Variants in ATRNL1 observed in about 807,000 individuals in gnomAD.
The protein encoded by ATRNL1 is attractin-like protein 1.
Under a neutral mutation model 182.7 loss-of-function variants are expected in ATRNL1, and 95 were observed. The observed-to-expected ratio is 0.52, with a 90% CI of 0.44 to 0.62. The LOEUF (loss-of-function observed/expected upper bound fraction) is 0.62, where lower values mean the gene tolerates loss of function less well. Ranked by LOEUF, ATRNL1 falls within the 20% of genes least tolerant of loss-of-function variation. The pLI is 0.00. For missense variants in ATRNL1, 1,471 were observed against 1,679.5 expected (o/e 0.88, Z 2.17); for synonymous variants, 576 against 568.3 (o/e 1.01, Z -0.19).
chr10:115,158,232 T>G (rs1309242761), intron 5 of ATRNL1, among the ~76,000 whole-genome samples: 1 of 152,050 alleles, frequency 6.6e-6, no homozygotes, highest in Admixed American at 6.6e-5. Flanking sequence ...ATATATAATT[T>G]CTATATGATT....
At chr10:115,310,023 C>T (rs1408811537) in intron 17 of ATRNL1, among the ~76,000 whole-genome samples, 4 of 151,992 alleles carry the variant, frequency 2.6e-5, no homozygotes, top group Non-Finnish European at 5.9e-5. Flanking sequence ...GTGGTATGTT[C>T]CTTCTCTGCC....
chr10:115,431,487 A>G (rs1229375635), intron 21 of ATRNL1, among the ~76,000 whole-genome samples: 1 of 151,982 alleles, frequency 6.6e-6, no homozygotes, highest in Non-Finnish European at 1.5e-5. Context: ...GTAAAAACAA[A>G]TTTTCGCTCA....
chr10:115,602,852 T>TAAAAA (rs1555016452), intron 26 of ATRNL1, among the ~76,000 whole-genome samples: 1 of 55,120 alleles, frequency 1.8e-5, no homozygotes, highest in African/African-American at 9.5e-5. Context: ...AGACTCCGTC[T>TAAAAA]CAAAAAAAAA....
At chr10:115,133,822 A>G (rs927164616) in intron 5 of ATRNL1, among the ~76,000 whole-genome samples, 23 of 152,302 alleles carry the variant, frequency 1.5e-4, no homozygotes, top group African/African-American at 5.3e-4. Flanking sequence ...GCAAATGTGA[A>G]AGAACAGAAG....
intron 28 of ATRNL1, among the ~76,000 whole-genome samples, chr10:115,884,628 CA>C (rs1291081899): frequency 2.2e-4 from 34 of 152,290 alleles, no homozygotes; most frequent in Non-Finnish European, 7.3e-5. Flanking sequence ...AAAATTCTGC[CA>C]CCTGGACACT....
chr10:115,460,023 A>T (rs1024437301), intron 21 of ATRNL1, among the ~76,000 whole-genome samples: 2 of 152,128 alleles, frequency 1.3e-5, no homozygotes, highest in African/African-American at 4.8e-5. Flanking sequence ...TCTTTTAAAC[A>T]TTGTATTTAC....
At chr10:115,399,569 G>T (rs1844459281) in intron 20 of ATRNL1, among the ~76,000 whole-genome samples, 1 of 151,662 alleles carries the variant, frequency 6.6e-6, no homozygotes, top group Non-Finnish European at 1.5e-5. Flanking sequence ...TCCTTTGTTA[G>T]TCTAGCTAGT....
intron 26 of ATRNL1, among the ~76,000 whole-genome samples, chr10:115,621,651 C>T (rs147747728): frequency 6.6e-6 from 1 of 152,062 alleles, no homozygotes; most frequent in Non-Finnish European, 1.5e-5. Flanking sequence ...AAAATGTGTA[C>T]AAGAATGTGC....
chr10:115,307,347 C>T (rs370453691), intron 17 of ATRNL1, among the ~76,000 whole-genome samples: 62 of 152,278 alleles, frequency 4.1e-4, no homozygotes, highest in African/African-American at 1.5e-3. Context: ...AGTGCAATCT[C>T]CGCCTTCTGG....
intron 28 of ATRNL1, among the ~76,000 whole-genome samples, chr10:115,869,445 G>A (rs1406573057): frequency 2.6e-5 from 4 of 152,130 alleles, no homozygotes; most frequent in Non-Finnish European, 4.4e-5. Flanking sequence ...GTGTGTGCCT[G>A]TGAGTGCATG....
chr10:115,749,133 A>T (rs957679848), intron 27 of ATRNL1, among the ~76,000 whole-genome samples: 1 of 151,970 alleles, frequency 6.6e-6, no homozygotes, highest in Non-Finnish European at 1.5e-5. Flanking sequence ...ACAAACTAGA[A>T]TAGAATACTA....
intron 27 of ATRNL1, among the ~76,000 whole-genome samples, chr10:115,814,252 A>G (rs1329864550): frequency 6.6e-6 from 1 of 152,128 alleles, no homozygotes; most frequent in African/African-American, 2.4e-5. Flanking sequence ...ACCTTGAGTC[A>G]TGATAATAAC....
chr10:115,134,676 C>T (rs1345745526), intron 5 of ATRNL1, among the ~76,000 whole-genome samples: 6 of 152,210 alleles, frequency 3.9e-5, no homozygotes, highest in Non-Finnish European at 7.3e-5. Flanking sequence ...TCCTCCCTAA[C>T]TCATTTTATG....
chr10:115,782,679 T>C (rs141296764), intron 27 of ATRNL1, among the ~76,000 whole-genome samples: 219 of 152,334 alleles, frequency 1.4e-3, no homozygotes, highest in African/African-American at 4.9e-3. Context: ...TTCTGTTGGA[T>C]CTTTTAGAAA....
At chr10:115,201,258 G>A (rs370704936) in intron 8 of ATRNL1, among the ~76,000 whole-genome samples, 1 of 151,796 alleles carries the variant, frequency 6.6e-6, no homozygotes, top group Non-Finnish European at 1.5e-5. Flanking sequence ...GTCAATTTTG[G>A]CTTTTGTTGC....
intron 26 of ATRNL1, among the ~76,000 whole-genome samples, chr10:115,617,472 G>T (rs192143453): frequency 6.6e-6 from 1 of 152,104 alleles, no homozygotes; most frequent in East Asian, 1.9e-4. Context: ...CAATTCTAGT[G>T]CCTCAGCCTC....
chr10:115,421,337 T>G (rs2134376541), intron 20 of ATRNL1, among the ~76,000 whole-genome samples: 1 of 152,222 alleles, frequency 6.6e-6, no homozygotes. Context: ...TATTATAAGG[T>G]CATTGACCAT....
rs538789880 is a variant in ATRNL1 at position 115,147,010 on chromosome 10, A to G, written c.830-13030A>G. 9.8e-4 allele frequency among the ~76,000 whole-genome samples: 149 copies of G among 152,240 alleles called. 2 individuals are homozygous for G. The highest frequency in any genetic ancestry group is 2.7e-3 in the African/African-American group (114 of 41,558). On this transcript the variant is annotated intron_variant, in intron 5 of 28. Transcript: ENST00000355044. ...TACCCAGTAGTGGGATTACTGGATC[A>G]TATGATAGTTCTATTTTAAGTTTTT... is the stretch of plus-strand genomic sequence containing the variant.
At chr10:115,927,893 G>A (rs1478325061) in intron 28 of ATRNL1, among the ~76,000 whole-genome samples, 1 of 152,020 alleles carries the variant, frequency 6.6e-6, no homozygotes, top group African/African-American at 2.4e-5. Flanking sequence ...AAGTAGTATG[G>A]TTCAGGAAGA....
Sources: allele counts gnomAD v4.1 joint callset (sites outside exome capture counted in the v4.1 genomes callset), GRCh38; gene constraint gnomAD v4.1.1; transcripts MANE v1.5; gene names NCBI Gene and HGNC (gene_info 2026-07-23, HGNC 2026-07-21).